The following GDAP1L1 variants were observed in gnomAD, a reference collection of about 807,000 sequenced individuals.
The protein encoded by GDAP1L1 is ganglioside-induced differentiation-associated protein 1-like 1.
GDAP1L1 carries 21 observed loss-of-function variants against 37.1 expected under a neutral mutation model. The ratio of observed to expected loss-of-function variants is 0.57; its 90% confidence interval spans 0.40 to 0.81. The LOEUF (loss-of-function observed/expected upper bound fraction) is 0.81. Ranked by LOEUF, GDAP1L1 falls within the 40% of genes least tolerant of loss-of-function variation. GDAP1L1 has a pLI of 0.00. For missense variants in GDAP1L1, 362 were observed against 491.6 expected, an observed-to-expected ratio of 0.74 and a Z score of 2.49; for synonymous variants, 193 against 209.1, an observed-to-expected ratio of 0.92 and a Z score of 0.67.
intron 2 of GDAP1L1, 58 bp downstream of exon 2, chr20:44,257,403 C>T: frequency 1.3e-6 from 2 of 1,507,596 alleles, no homozygotes; most frequent in South Asian, 2.4e-5. Flanking sequence ...CAGGGGTCCC[C>T]ACAGGCTCAG....
At chr20:44,267,868 C>T (rs978471060) in intron 5 of GDAP1L1, among the ~76,000 whole-genome samples, 1 of 152,164 alleles carries the variant, frequency 6.6e-6, no homozygotes, top group East Asian at 1.9e-4. Flanking sequence ...TACTGCTGAC[C>T]GCTGTCCTGA....
At chr20:44,277,875 C>T (rs1326582975) in intron 5 of GDAP1L1, among the ~76,000 whole-genome samples, 3 of 151,950 alleles carry the variant, frequency 2.0e-5, no homozygotes, top group East Asian at 3.9e-4. Context: ...ATGGTGGGGC[C>T]GGGCGCAGTG....
At position 44,264,495 on chromosome 20, in the gene GDAP1L1, G is replaced by A. The variant is rs1446295747; in HGVS notation, c.696G>A (p.Gly232=). The change falls in exon 5 of 6, where the codon GGG becomes GGA. Residue 232 remains glycine (G), a synonymous_variant. Transcript: ENST00000342560. ...DDVSYLKKIL[G]ELAMVLDQIE... The stretch of plus-strand genomic sequence containing the variant: ...TGAGCTACCTGAAGAAGATCCTCGG[G>A]GAACTGGCCATGGTGCTGGACCAGA... 1.3e-6 allele frequency: 2 copies of A among 1,558,220 alleles called. No individual in the cohort carries two copies. The highest frequency in any genetic ancestry group is 2.7e-5 in the African/African-American group (2 of 72,796).
At chr20:44,273,240 T>C (rs988642974) in intron 5 of GDAP1L1, among the ~76,000 whole-genome samples, 4 of 152,340 alleles carry the variant, frequency 2.6e-5, no homozygotes, top group Admixed American at 2.6e-4. Flanking sequence ...ATCACCTTTA[T>C]AGAGTTGTTG....
Position 44,279,991 on chromosome 20 carries a change from G to A in GDAP1L1, c.*691G>A, listed in dbSNP as rs973677315. 16 of 346,838 alleles carry A rather than the reference G, an allele frequency of 4.6e-5. No homozygotes were observed. Among genetic ancestry groups the A allele is most frequent in the Non-Finnish European group, 7.4e-5 (13 of 176,020 alleles). 21.5% of individuals were successfully genotyped at this position (346,838 alleles called of 1,614,324 possible). A position where few individuals can be genotyped will look rare whatever the true frequency, so the allele number is the denominator to read the frequency against. On this transcript the variant is annotated 3_prime_UTR_variant, in exon 6 of 6. Coordinates refer to ENST00000342560, the MANE Select transcript of GDAP1L1 (RefSeq NM_024034.6). Reference sequence around the variant, plus strand: ...GCCTTAGTAGAAATCTCTGAAGGCAGCAGCCATCATCCTCTTCCTACCTTG... The same window carrying A: ...GCCTTAGTAGAAATCTCTGAAGGCAACAGCCATCATCCTCTTCCTACCTTG...
At position 44,279,446 on chromosome 20, in the gene GDAP1L1, C is replaced by T; in HGVS notation, c.*146C>T. On this transcript the variant is annotated 3_prime_UTR_variant, in exon 6 of 6. Transcript: ENST00000342560. Reference sequence around the variant, plus strand: ...AGTAATAATACCGTCAGTGTGAAAACATTCCGTAGTTTAGAAGTAGACGTT... The same window carrying T: ...AGTAATAATACCGTCAGTGTGAAAATATTCCGTAGTTTAGAAGTAGACGTT... 1.4e-6 allele frequency: 1 copy of T among 712,578 alleles called. No individual in the cohort carries two copies. Among genetic ancestry groups the T allele is most frequent in the East Asian group, 2.7e-5 (1 of 37,560 alleles). The allele number at this position is 712,578 out of a possible 1,614,324, so 44.1% of individuals were successfully genotyped here.
rs1377362818 is a variant in GDAP1L1, at chr20:44,279,539, A to T, written c.*239A>T. On this transcript the variant is annotated 3_prime_UTR_variant, in exon 6 of 6. Coordinates refer to ENST00000342560, the MANE Select transcript of GDAP1L1 (RefSeq NM_024034.6). ...AGAGGAAGCGAGAGAGAGAGAGAAA[A>T]AACAAAAAACAGAAAACACGAATGC... The T allele has an allele frequency of 4.4e-6, 3 of 675,446 alleles. No individual in the cohort carries two copies. The Admixed American group carries it at 6.2e-5, about 14-fold the overall frequency. 41.8% of individuals were successfully genotyped at this position (675,446 alleles called of 1,614,324 possible).
chr20:44,278,618 T>C (rs996018183), intron 5 of GDAP1L1, among the ~76,000 whole-genome samples: 1 of 152,088 alleles, frequency 6.6e-6, no homozygotes, highest in Non-Finnish European at 1.5e-5. Context: ...TGACCTCAAA[T>C]GATCTGCTCA....
upstream of GDAP1L1, chr20:44,247,168 C>T: frequency 2.9e-6 from 2 of 689,580 alleles, no homozygotes; most frequent in South Asian, 3.7e-5. Context: ...GAAAGGAGCT[C>T]CCGGGATCCC....
intron 1 of GDAP1L1, among the ~76,000 whole-genome samples, chr20:44,254,028 G>A (rs190970050): frequency 2.6e-4 from 39 of 152,352 alleles, no homozygotes; most frequent in African/African-American, 8.9e-4. Flanking sequence ...CCCATTCAGA[G>A]GTCCCAGCTT....
At chr20:44,270,164 ATTT>A (rs397756226) in intron 5 of GDAP1L1, among the ~76,000 whole-genome samples, 1 of 100,592 alleles carries the variant, frequency 9.9e-6, no homozygotes. Flanking sequence ...AGTGTCTTAA[ATTT>A]TTTTTTTTTT....
intron 1 of GDAP1L1, among the ~76,000 whole-genome samples, chr20:44,256,507 T>C (rs2073548666): frequency 6.6e-6 from 1 of 151,980 alleles, no homozygotes; most frequent in Non-Finnish European, 1.5e-5. Flanking sequence ...CTGTCTCTAC[T>C]AAAAATACAA....
At chr20:44,248,829 C>T (rs1458714549) in intron 1 of GDAP1L1, among the ~76,000 whole-genome samples, 2 of 152,166 alleles carry the variant, frequency 1.3e-5, no homozygotes, top group African/African-American at 4.8e-5. Context: ...GCTGGTCCAC[C>T]AATCATATTG....
chr20:44,261,197 C>T (rs538716718), intron 3 of GDAP1L1, among the ~76,000 whole-genome samples: 3 of 152,192 alleles, frequency 2.0e-5, no homozygotes, highest in African/African-American at 4.8e-5. Context: ...TAGAAGCCAG[C>T]CTGCAGCGAC....
intron 5 of GDAP1L1, chr20:44,265,226 C>T: frequency 2.0e-6 from 2 of 985,386 alleles, no homozygotes; most frequent in Non-Finnish European, 2.4e-6. Flanking sequence ...CCAGCTGGGC[C>T]TCTAAACTTG....
intron 5 of GDAP1L1, among the ~76,000 whole-genome samples, chr20:44,277,646 C>A (rs74343693): frequency 0.028 from 4,316 of 152,188 alleles, 192 homozygotes; most frequent in African/African-American, 0.1. Flanking sequence ...TTTAACATGA[C>A]CACTTTGGCT....
chr20:44,247,641 G>A, intron 1 of GDAP1L1, 127 bp downstream of exon 1: 1 of 885,670 alleles, frequency 1.1e-6, no homozygotes, highest in East Asian at 2.8e-5. Flanking sequence ...GGGTCCCGGA[G>A]GTCGGGGGAC....
chr20:44,261,628 A>G (rs1053670143), intron 3 of GDAP1L1, among the ~76,000 whole-genome samples: 5 of 152,308 alleles, frequency 3.3e-5, no homozygotes, highest in African/African-American at 1.2e-4. Flanking sequence ...CTACGTTAGC[A>G]CCAAAATCTC....
chr20:44,262,044 G>A (rs2073683145), intron 3 of GDAP1L1, among the ~76,000 whole-genome samples: 1 of 152,168 alleles, frequency 6.6e-6, no homozygotes, highest in African/African-American at 2.4e-5. Flanking sequence ...GTAGGTGAGA[G>A]GGAGGGCAAG....
Sources: gnomAD v4.1 joint callset for allele counts (sites outside exome capture counted in the v4.1 genomes callset) on GRCh38, gnomAD v4.1.1 for gene constraint, MANE v1.5 for transcripts, NCBI Gene and HGNC (gene_info 2026-07-23, HGNC 2026-07-21) for gene names.